Variants in TLN2 observed in about 807,000 individuals in gnomAD.
TLN2 encodes talin 2, also known as talin-2.
Under a neutral mutation model 294.7 loss-of-function variants are expected in TLN2, and 118 were observed. The observed-to-expected ratio is 0.40, with a 90% confidence interval of 0.34 to 0.47. TLN2 has a LOEUF of 0.47. Among genes scored for constraint, TLN2 ranks in the 20% least tolerant of loss-of-function variants. TLN2 has a pLI of 0.84. For synonymous variants in TLN2, 1,431 were observed against 1,304.5 expected, an observed-to-expected ratio of 1.10 and a Z score of -2.09; for missense variants, 3,083 against 3,282.2, an observed-to-expected ratio of 0.94 and a Z score of 1.48.
At position 62,809,981 on chromosome 15, in the gene TLN2, C is replaced by T. The variant is rs908626401; in HGVS notation, c.6720C>T (p.Phe2240=). The part of the protein sequence containing the change: ...SDEVRTRALR[F]GTECTLGYLD... Reference sequence around the variant, plus strand: ...AGGTGAGAACCAGAGCCTTGCGTTTCGGGACGGAGTGCACCCTTGGCTACT... The same window carrying T: ...AGGTGAGAACCAGAGCCTTGCGTTTTGGGACGGAGTGCACCCTTGGCTACT... Residue 2240 remains phenylalanine, a synonymous_variant, in exon 52 of 59, where the codon TTC becomes TTT. Transcript: ENST00000636159. The T allele has an allele frequency of 2.4e-5, 38 of 1,613,968 alleles. No individual in the cohort carries two copies. Among genetic ancestry groups the T allele is most frequent in the African/African-American group, 6.7e-5 (5 of 74,884 alleles).
At chr15:62,534,037 G>T (rs564774356) in intron 1 of TLN2, among the ~76,000 whole-genome samples, 2 of 151,304 alleles carry the variant, frequency 1.3e-5, no homozygotes, top group African/African-American at 2.4e-5. Context: ...GTCACCAGGG[G>T]TTACAATGTG....
chr15:62,490,039 G>A (rs1184026140), intron 1 of TLN2, among the ~76,000 whole-genome samples: 5 of 152,152 alleles, frequency 3.3e-5, no homozygotes, highest in Admixed American at 3.3e-4. Context: ...CATTGCATTC[G>A]GGGGTAATTT....
chr15:62,554,130 A>G (rs1281074627), intron 1 of TLN2, among the ~76,000 whole-genome samples: 3 of 152,024 alleles, frequency 2.0e-5, no homozygotes, highest in East Asian at 1.9e-4. Flanking sequence ...AATCTAAATT[A>G]TTACAACAGT....
rs1346271623 is a variant in TLN2 at position 62,582,244 on chromosome 15, A to ACCC, written c.-237-7442_-237-7441insCCC. On this transcript the variant is annotated intron_variant, in intron 1 of 58. Transcript: ENST00000636159. ...CACACACACACACACACACACACACACACATTCATGCCTGACCCATTCCTG... is the reference window on the plus strand; with the variant it reads ...CACACACACACACACACACACACACACCCCACATTCATGCCTGACCCATTCCTG... Among the ~76,000 whole-genome samples, 56 of 102,726 alleles carry ACCC rather than the reference A, an allele frequency of 5.5e-4. 2 individuals carry two copies. Among genetic ancestry groups the ACCC allele is most frequent in the Non-Finnish European group, 6.5e-4 (33 of 50,612 alleles). The allele number at this position is 102,726 out of a possible 152,430, so 67.4% of individuals were successfully genotyped here.
rs546385184 is a variant in TLN2, at chr15:62,685,276, A to C, written c.958-1365A>C. ...GTTTTTCTACAATATGATTTTTAATAATGTAGGGTAATCTGTTATCTGGAT... is the reference window on the plus strand; with the variant it reads ...GTTTTTCTACAATATGATTTTTAATCATGTAGGGTAATCTGTTATCTGGAT... On this transcript the variant is annotated intron_variant, in intron 11 of 58. Transcript: ENST00000636159. Among the ~76,000 whole-genome samples, 7 of 152,234 alleles carry C rather than the reference A, an allele frequency of 4.6e-5. No homozygotes were observed. The South Asian group carries it at 1.2e-3, about 27-fold the overall frequency.
chr15:62,767,696 C>T (rs904408132), intron 41 of TLN2, among the ~76,000 whole-genome samples: 18 of 152,158 alleles, frequency 1.2e-4, no homozygotes, highest in African/African-American at 3.6e-4. Context: ...AGGGCTTGTC[C>T]GTCTGTCTGA....
chr15:62,819,393 TG>T (rs2067373316), intron 52 of TLN2, 122 bp from the exon 53 acceptor site: 2 of 748,998 alleles, frequency 2.7e-6, no homozygotes, highest in Admixed American at 2.1e-5. Flanking sequence ...TGAAGTCACT[TG>T]GGACAGAGAT....
At chr15:62,781,338 G>C (rs2064148684) in intron 44 of TLN2, 97 bp downstream of exon 44, 1 of 900,568 alleles carries the variant, frequency 1.1e-6, no homozygotes, top group African/African-American at 1.6e-5. Context: ...CAGAGAGAGA[G>C]CCCAGACCAC....
chr15:62,842,570 C>T lies in TLN2; in HGVS notation c.*1960C>T, dbSNP rs2070821871. 6.6e-6 allele frequency: 1 copy of T among 151,510 alleles called. No homozygotes were observed. Among genetic ancestry groups the T allele is most frequent in the African/African-American group, 2.4e-5 (1 of 41,122 alleles). 9.4% of individuals were successfully genotyped at this position (151,510 alleles called of 1,614,324 possible). On this transcript the variant is annotated 3_prime_UTR_variant, in exon 59 of 59. Transcript: ENST00000636159. The stretch of plus-strand genomic sequence containing the variant: ...ACCCTCTGCTCTTCTATGCTGTGCC[C>T]AGGGCAGCTGCCCTCTTCTGCCTGT...
chr15:62,579,916 C>A (rs931999174), intron 1 of TLN2, among the ~76,000 whole-genome samples: 3 of 152,210 alleles, frequency 2.0e-5, no homozygotes, highest in Non-Finnish European at 4.4e-5. Flanking sequence ...AGGGTCAGTT[C>A]TAGCAGCGTG....
At chr15:62,810,099 A>G in intron 52 of TLN2, 67 bp downstream of exon 52, 1 of 1,343,666 alleles carries the variant, frequency 7.4e-7, no homozygotes, top group Non-Finnish European at 1.1e-6. Context: ...GCTGATTCAA[A>G]CTATGCTTTC....
Position 62,842,309 on chromosome 15 carries a change from G to C in TLN2, c.*1699G>C, listed in dbSNP as rs901808854. 1 of 152,268 alleles carries C rather than the reference G, an allele frequency of 6.6e-6. No individual in the cohort carries two copies. The highest frequency in any genetic ancestry group is 2.4e-5 in the African/African-American group (1 of 41,448). The allele number at this position is 152,268 out of a possible 1,614,324, so 9.4% of individuals were successfully genotyped here. On this transcript the variant is annotated 3_prime_UTR_variant, in exon 59 of 59. Transcript: ENST00000636159. ...AGTGTGTGGGCACCAGTTCTGAAGA[G>C]GAGGGGAGCTGCTGGAGCCCTAGCC...
intron 1 of TLN2, among the ~76,000 whole-genome samples, chr15:62,408,620 T>C (rs1020904120): frequency 2.0e-5 from 3 of 152,242 alleles, no homozygotes; most frequent in Non-Finnish European, 4.4e-5. Context: ...ATATTAACTT[T>C]ATTGTAGTGA....
Position 62,652,086 on chromosome 15 carries a change from G to C in TLN2, c.316G>C (p.Asp106His). 6.2e-7 allele frequency: 1 copy of C among 1,611,878 alleles called. No homozygotes were observed. Residue 106 changes from aspartate to histidine, a missense_variant, in exon 6 of 59, where the codon GAT (aspartate) becomes CAT (histidine). Physicochemically the swap from Asp to His is moderately conservative, Grantham distance 81. Coordinates refer to ENST00000636159, the MANE Select transcript of TLN2 (RefSeq NM_015059.3). The part of the protein sequence containing the change: ...DGSVKTVMVD[D>H]SKTVGELLVT... ...ATCTGTGAAGACAGTGATGGTGGAT[G>C]ATTCCAAGACTGTGGGGGAGCTCCT...
At chr15:62,602,243 G>C (rs2047064979) in intron 2 of TLN2, among the ~76,000 whole-genome samples, 2 of 152,082 alleles carry the variant, frequency 1.3e-5, no homozygotes, top group Non-Finnish European at 1.5e-5. Context: ...TATATACTCT[G>C]TTCTTTCATC....
chr15:62,430,336 T>G (rs1220703802), intron 1 of TLN2, among the ~76,000 whole-genome samples: 1 of 152,234 alleles, frequency 6.6e-6, no homozygotes, highest in Admixed American at 6.5e-5. Flanking sequence ...GGGCCAATCA[T>G]GGTTAAATTG....
chr15:62,541,093 G>C (rs878957633), intron 1 of TLN2, among the ~76,000 whole-genome samples: 1 of 152,140 alleles, frequency 6.6e-6, no homozygotes, highest in Non-Finnish European at 1.5e-5. Flanking sequence ...GGCTGGGGAT[G>C]ATGGGCAGTG....
chr15:62,464,355 T>C (rs1226714058), intron 1 of TLN2, among the ~76,000 whole-genome samples: 2 of 152,006 alleles, frequency 1.3e-5, no homozygotes, highest in Admixed American at 6.6e-5. Context: ...TTCTCACTCA[T>C]AGGTGGGAAT....
At chr15:62,555,133 C>G (rs1035159327) in intron 1 of TLN2, among the ~76,000 whole-genome samples, 1 of 152,026 alleles carries the variant, frequency 6.6e-6, no homozygotes, top group African/African-American at 2.4e-5. Flanking sequence ...ACAGGCACAC[C>G]CTTTGAAGTG....
Sources: allele counts gnomAD v4.1 joint callset (sites outside exome capture counted in the v4.1 genomes callset), GRCh38; gene constraint gnomAD v4.1.1; transcripts MANE v1.5; gene names NCBI Gene and HGNC (gene_info 2026-07-23, HGNC 2026-07-21).